ADD1: variants seen among roughly 807,000 people sequenced by gnomAD.
The protein encoded by ADD1 is alpha-adducin.
A neutral mutation model predicts 80.5 loss-of-function variants in ADD1; 24 were observed. The observed-to-expected ratio is 0.30, with a 90% CI of 0.22 to 0.42. ADD1 has a LOEUF of 0.42. Ranked by LOEUF, ADD1 falls within the 10% of genes least tolerant of loss-of-function variation. ADD1 has a pLI of 1.00. For missense variants in ADD1, 948 were observed against 1,019.0 expected (o/e 0.93, Z 0.95); for synonymous variants, 373 against 393.8 (o/e 0.95, Z 0.63).
chr4:2,924,863 T>C (rs970525484), intron 14 of ADD1, among the ~76,000 whole-genome samples: 1 of 152,216 alleles, frequency 6.6e-6, no homozygotes, highest in African/African-American at 2.4e-5. Flanking sequence ...CCTCCTAGTT[T>C]CTGTGCACAT....
chr4:2,911,657 C>T (rs1410493584), intron 13 of ADD1, among the ~76,000 whole-genome samples: 2 of 152,060 alleles, frequency 1.3e-5, no homozygotes, highest in East Asian at 1.9e-4. Context: ...GGTTCCGCCA[C>T]GTTGCCCAGG....
chr4:2,882,006 G>A lies in ADD1; in HGVS notation c.304G>A (p.Val102Ile), dbSNP rs1246351076. 6 of 1,613,184 alleles carry A rather than the reference G, an allele frequency of 3.7e-6. No homozygotes were observed. The highest frequency in any genetic ancestry group is 5.1e-6 in the Non-Finnish European group (6 of 1,179,780). ...QQIADFMTTN[V>I]PNVYPAAPQG... ...GATTGCAGATTTTATGACCACGAAT[G>A]TACCAAATGTCTACCCAGCAGCTCC... The change falls in exon 3 of 16, where the codon GTA becomes ATA. Residue 102 changes from valine to isoleucine, a missense_variant. Physicochemically the swap from Val to Ile is conservative, Grantham distance 29 (BLOSUM62 3). Transcript: ENST00000683351.
intron 1 of ADD1, among the ~76,000 whole-genome samples, chr4:2,867,242 C>A (rs1729686409): frequency 6.6e-6 from 1 of 152,132 alleles, no homozygotes; most frequent in South Asian, 2.1e-4. Context: ...GGATCCCTTG[C>A]ATTTTCTAGC....
intron 1 of ADD1, among the ~76,000 whole-genome samples, chr4:2,862,671 T>C (rs1027250934): frequency 6.6e-6 from 1 of 152,212 alleles, no homozygotes; most frequent in Non-Finnish European, 1.5e-5. Flanking sequence ...TCCTACTTAA[T>C]GATGTGACTC....
intron 1 of ADD1, among the ~76,000 whole-genome samples, chr4:2,846,042 T>G (rs1371638656): frequency 1.3e-5 from 2 of 152,186 alleles, no homozygotes; most frequent in Non-Finnish European, 2.9e-5. Context: ...TCAATATGTA[T>G]ATCTTAAAGA....
At chr4:2,910,207 T>C (rs1460489052) in intron 13 of ADD1, among the ~76,000 whole-genome samples, 11 of 151,134 alleles carry the variant, frequency 7.3e-5, no homozygotes, top group Admixed American at 7.3e-4. Flanking sequence ...TTGAAGAGTC[T>C]TAGCTGAGAG....
intron 7 of ADD1, 48 bp from the exon 8 acceptor site, chr4:2,898,385 G>T: frequency 6.2e-7 from 1 of 1,613,894 alleles, no homozygotes; most frequent in South Asian, 1.1e-5. Context: ...TAAAGCAAAG[G>T]ACCAGTCTTC....
chr4:2,914,655 G>T (rs1738669825), intron 13 of ADD1: 1 of 452,176 alleles, frequency 2.2e-6, no homozygotes, highest in Non-Finnish European at 3.9e-6. Flanking sequence ...GGCTCTGTAG[G>T]ATTTCTTTTG....
At chr4:2,867,776 T>G (rs1729768497) in intron 1 of ADD1, 3 of 152,216 alleles carry the variant, frequency 2.0e-5, no homozygotes, top group Admixed American at 2.0e-4. Flanking sequence ...TAATTGGAGC[T>G]GTTTTGAGAC....
rs1167878841 is a variant in ADD1 at position 2,880,463 on chromosome 4, CTTTTTTTTTTTTTTT to C, written c.196-1419_196-1405del. Among the ~76,000 whole-genome samples the C allele has an allele frequency of 7.6e-4, 48 of 63,178 alleles. 1 individual carries two copies. Among genetic ancestry groups the C allele is most frequent in the Non-Finnish European group, 1.1e-3 (38 of 34,630 alleles). The allele number at this position is 63,178 out of a possible 152,430, so 41.4% of individuals were successfully genotyped here. On this transcript the variant is annotated intron_variant, in intron 2 of 15. Coordinates refer to ENST00000683351, the MANE Select transcript of ADD1 (RefSeq NM_001354761.2). ...TGTTTGACAAGATATTTCTTTCTTT[CTTTTTTTTTTTTTTT>C]TTTTTTTTTTTTTTTGAGACGGAGT...
chr4:2,867,829 G>C (rs1259939672), intron 1 of ADD1: 1 of 152,172 alleles, frequency 6.6e-6, no homozygotes, highest in East Asian at 1.9e-4. Flanking sequence ...GGAGGAGGAG[G>C]AGCTCTGGAG....
intron 14 of ADD1, among the ~76,000 whole-genome samples, chr4:2,915,785 T>A (rs1738910660): frequency 1.3e-5 from 2 of 152,114 alleles, no homozygotes; most frequent in Non-Finnish European, 2.9e-5. Flanking sequence ...GATCGTGCCA[T>A]TGCACTCTAG....
chr4:2,866,894 A>C (rs1386141701), intron 1 of ADD1, among the ~76,000 whole-genome samples: 1 of 152,054 alleles, frequency 6.6e-6, no homozygotes, highest in Non-Finnish European at 1.5e-5. Flanking sequence ...AACTTGGTGA[A>C]ACCCCATCTC....
chr4:2,913,641 G>GT (rs61059620), intron 13 of ADD1, among the ~76,000 whole-genome samples: 29,888 of 151,740 alleles, frequency 0.2, 3,139 homozygotes, highest in East Asian at 0.47. Flanking sequence ...CAGCATGCTA[G>GT]GTGGTAACCC....
intron 15 of ADD1, 37 bp from the exon 16 acceptor site, chr4:2,928,134 A>G: frequency 6.3e-7 from 1 of 1,584,512 alleles, no homozygotes; most frequent in South Asian, 1.1e-5. Context: ...AGATCTGGGC[A>G]GGAACCCTTA....
rs1288215181 is a variant in ADD1 at position 2,929,974 on chromosome 4, A to T, written c.*1451A>T. Reference sequence around the variant, plus strand: ...GTATTACAACATGAAATATAGTTGCATATATGGACACCGACTTGGGAGGAC... The same window carrying T: ...GTATTACAACATGAAATATAGTTGCTTATATGGACACCGACTTGGGAGGAC... On this transcript the variant is annotated 3_prime_UTR_variant, in exon 16 of 16. Coordinates refer to ENST00000683351, the MANE Select transcript of ADD1 (RefSeq NM_001354761.2). 1 of 152,582 alleles carries T rather than the reference A, an allele frequency of 6.6e-6. No homozygotes were observed. Among genetic ancestry groups the T allele is most frequent in the East Asian group, 1.9e-4 (1 of 5,196 alleles). 9.5% of individuals were successfully genotyped at this position (152,582 alleles called of 1,614,324 possible).
At chr4:2,874,699 T>C (rs1730988946) in intron 1 of ADD1, among the ~76,000 whole-genome samples, 1 of 151,280 alleles carries the variant, frequency 6.6e-6, no homozygotes, top group Non-Finnish European at 1.5e-5. Context: ...ATCTTTTTCT[T>C]AAAAAAAAAC....
Position 2,884,214 on chromosome 4 carries a change from A to G in ADD1, c.359-301A>G, listed in dbSNP as rs568850192. Among the ~76,000 whole-genome samples, 5 of 152,366 alleles carry G rather than the reference A, an allele frequency of 3.3e-5. No individual in the cohort carries two copies. The East Asian group carries it at 9.6e-4, about 29-fold the overall frequency. On this transcript the variant is annotated intron_variant, in intron 3 of 15. Transcript: ENST00000683351. Reference sequence around the variant, plus strand: ...TTATTGATTTCTAACTTAATTGTGTAAGTATTGGAAAACAGTCATTATGAA... The same window carrying G: ...TTATTGATTTCTAACTTAATTGTGTGAGTATTGGAAAACAGTCATTATGAA...
At chr4:2,865,524 A>G (rs1365542999) in intron 1 of ADD1, among the ~76,000 whole-genome samples, 2 of 152,178 alleles carry the variant, frequency 1.3e-5, no homozygotes, top group African/African-American at 4.8e-5. Flanking sequence ...ATAATTTTCA[A>G]AGCTTTCTTT....
Sources: gnomAD v4.1 joint callset for allele counts (sites outside exome capture counted in the v4.1 genomes callset) on GRCh38, gnomAD v4.1.1 for gene constraint, MANE v1.5 for transcripts, NCBI Gene and HGNC (gene_info 2026-07-23, HGNC 2026-07-21) for gene names.